STK32C: variants seen among roughly 807,000 people sequenced by gnomAD.
STK32C encodes serine/threonine kinase 32C.
STK32C carries 31 observed loss-of-function variants against 56.5 expected under a neutral mutation model. That is an observed-to-expected ratio of 0.55 (90% CI 0.41 to 0.74). The LOEUF (loss-of-function observed/expected upper bound fraction) is 0.74. Ranked by LOEUF, STK32C falls within the 30% of genes least tolerant of loss-of-function variation. The pLI is 0.00. For synonymous variants in STK32C, 309 were observed against 289.4 expected (o/e 1.07, Z -0.69); for missense variants, 544 against 676.9 (o/e 0.80, Z 2.18).
intron 10 of STK32C, among the ~76,000 whole-genome samples, chr10:132,213,032 G>C (rs1300868651): frequency 2.6e-5 from 4 of 152,232 alleles, no homozygotes; most frequent in African/African-American, 7.2e-5. Context: ...CCAACGTTTT[G>C]TGGGTTTCCC....
intron 1 of STK32C, among the ~76,000 whole-genome samples, chr10:132,281,111 G>A (rs555291316): frequency 2.6e-5 from 4 of 151,528 alleles, no homozygotes; most frequent in South Asian, 4.2e-4. Flanking sequence ...CCATGATCAT[G>A]CCACTGCACT....
intron 2 of STK32C, among the ~76,000 whole-genome samples, chr10:132,240,867 G>A (rs945878301): frequency 1.3e-5 from 2 of 152,124 alleles, no homozygotes; most frequent in Non-Finnish European, 1.5e-5. Flanking sequence ...CCGTGCCACC[G>A]AGAAATCCAT....
At chr10:132,233,585 G>C (rs531831428) in intron 2 of STK32C, among the ~76,000 whole-genome samples, 1 of 152,328 alleles carries the variant, frequency 6.6e-6, no homozygotes, top group Non-Finnish European at 1.5e-5. Flanking sequence ...AGGGGCCTGG[G>C]TGGCGGCTGT....
Position 132,222,754 on chromosome 10 carries a change from C to T in STK32C, c.1138G>A (p.Asp380Asn), listed in dbSNP as rs759946918. 1.6e-5 allele frequency: 25 copies of T among 1,605,762 alleles called. No individual in the cohort carries two copies. Among genetic ancestry groups the T allele is most frequent in the Non-Finnish European group, 2.1e-5 (25 of 1,176,444 alleles). The change falls in exon 10 of 12, where the codon GAC (aspartate) becomes AAC (asparagine). Residue 380 changes from aspartate to asparagine, a missense_variant. This residue lies in a region of STK32C where 277 missense variants were observed against 309.3 expected (regional missense o/e 0.90). Coordinates refer to ENST00000298630, the MANE Select transcript of STK32C (RefSeq NM_173575.4). The stretch of plus-strand genomic sequence containing the variant: ...ATCTCCTCCAGCTCAAAGGTGGGGT[C>T]GCAGTGCAGACGGCCTTTCTACAGA... ...FVPNKGRLHC[D>N]PTFELEEMIL...
Position 132,208,086 on chromosome 10 carries a change from T to C in STK32C, c.1385A>G (p.Glu462Gly), listed in dbSNP as rs759091739. The C allele has an allele frequency of 7.6e-6, 10 of 1,311,182 alleles. No homozygotes were observed. In the East Asian group the frequency reaches 2.2e-4, roughly 29 times the overall value. The allele number at this position is 1,311,182 out of a possible 1,614,324, so 81.2% of individuals were successfully genotyped here. A position where few individuals can be genotyped will look rare whatever the true frequency, so the allele number is the denominator to read the frequency against. ...LPAPESRDAA[E>G]PVEDEAERSA... The stretch of plus-strand genomic sequence containing the variant: ...GCGTTCCGCCTCGTCCTCCACAGGC[T>C]CCGCAGCATCCCTGGACTCAGGGGC... The change falls in exon 12 of 12, where the codon GAG (glutamate) becomes GGG (glycine). Residue 462 changes from glutamate to glycine, a missense_variant. This residue lies in a region of STK32C where 277 missense variants were observed against 309.3 expected (regional missense o/e 0.90). Transcript: ENST00000298630.
At chr10:132,296,791 C>T (rs1396478363) in intron 1 of STK32C, among the ~76,000 whole-genome samples, 4 of 152,230 alleles carry the variant, frequency 2.6e-5, no homozygotes, top group Non-Finnish European at 5.9e-5. Context: ...GGAATGGCAC[C>T]GATCAGCAGG....
chr10:132,314,096 C>T (rs920541438), intron 1 of STK32C, among the ~76,000 whole-genome samples: 6 of 152,242 alleles, frequency 3.9e-5, no homozygotes, highest in South Asian at 2.1e-4. Context: ...GCCAGCACCG[C>T]GATGCACCAC....
At chr10:132,234,930 G>A (rs2063222713) in intron 2 of STK32C, among the ~76,000 whole-genome samples, 1 of 152,276 alleles carries the variant, frequency 6.6e-6, no homozygotes, top group Non-Finnish European at 1.5e-5. Flanking sequence ...TGGCTGTGAA[G>A]GGACCTAGGG....
chr10:132,230,620 G>A (rs889425443), intron 2 of STK32C, among the ~76,000 whole-genome samples: 2 of 149,922 alleles, frequency 1.3e-5, no homozygotes, highest in Middle Eastern at 3.5e-3. Flanking sequence ...TGCCCCTCAG[G>A]AGCCTGGCTT....
intron 1 of STK32C, among the ~76,000 whole-genome samples, chr10:132,268,539 T>TTGTGTGTG (rs56672946): frequency 1.1e-4 from 12 of 111,502 alleles, no homozygotes; most frequent in South Asian, 6.2e-4. Context: ...ATGCGTCACA[T>TTGTGTGTG]TGTGTGTGTG....
At chr10:132,274,155 C>G (rs541654588) in intron 1 of STK32C, among the ~76,000 whole-genome samples, 56 of 152,302 alleles carry the variant, frequency 3.7e-4, no homozygotes, top group Admixed American at 3.3e-3. Context: ...TTGCTCAGGA[C>G]GGGACCAGAC....
At chr10:132,252,142 T>C (rs899588096) in intron 1 of STK32C, among the ~76,000 whole-genome samples, 3 of 152,262 alleles carry the variant, frequency 2.0e-5, no homozygotes, top group African/African-American at 7.2e-5. Context: ...GCTAGGGACA[T>C]GGCGGCCTGC....
Position 132,326,175 on chromosome 10 carries a change from G to A in STK32C, c.302-1802C>T, listed in dbSNP as rs529750553. 3.9e-4 allele frequency among the ~76,000 whole-genome samples: 60 copies of A among 152,228 alleles called. No homozygotes were observed. The South Asian group carries it at 9.9e-3, about 25-fold the overall frequency. ...AGATTCTTCACAGATACAAATCTCCGCCCCACAAAAGACAGCTTTGCAGGG... is the reference window on the plus strand; with the variant it reads ...AGATTCTTCACAGATACAAATCTCCACCCCACAAAAGACAGCTTTGCAGGG... On this transcript the variant is annotated intron_variant, in intron 1 of 1. Transcript: ENST00000368619.
chr10:132,314,084 C>T (rs565181853), intron 1 of STK32C, among the ~76,000 whole-genome samples: 60 of 152,204 alleles, frequency 3.9e-4, no homozygotes, highest in Non-Finnish European at 4.9e-4. Flanking sequence ...CATAAGCCCT[C>T]GGCCAGCACC....
chr10:132,301,487 T>C (rs888525056), intron 1 of STK32C, among the ~76,000 whole-genome samples: 1 of 152,048 alleles, frequency 6.6e-6, no homozygotes, highest in African/African-American at 2.4e-5. Flanking sequence ...GGAGCGCCCG[T>C]TAGGTGTGGG....
Position 132,235,197 on chromosome 10 carries a change from G to A in STK32C, c.319-7069C>T, listed in dbSNP as rs368402034. Among the ~76,000 whole-genome samples the A allele has an allele frequency of 3.3e-4, 51 of 152,270 alleles. 1 individual carries two copies. Among genetic ancestry groups the A allele is most frequent in the African/African-American group, 1.2e-3 (50 of 41,532 alleles). On this transcript the variant is annotated intron_variant, in intron 2 of 11. Transcript: ENST00000298630. ...CTTGATGGCAGAAGCAGATTAAACA[G>A]ATATGTTAAAAGAAATCAGGCCAGG...
chr10:132,282,177 C>T (rs1347133921), intron 1 of STK32C, among the ~76,000 whole-genome samples: 1 of 152,122 alleles, frequency 6.6e-6, no homozygotes, highest in Non-Finnish European at 1.5e-5. Flanking sequence ...GCTGAAAATG[C>T]CCAGTGCAGG....
chr10:132,266,418 C>G (rs997715249), intron 1 of STK32C, among the ~76,000 whole-genome samples: 2 of 152,182 alleles, frequency 1.3e-5, no homozygotes, highest in Admixed American at 1.3e-4. Flanking sequence ...GTGTGCCCAT[C>G]TGTCAAAACA....
At chr10:132,318,303 T>C (rs961745832) in intron 1 of STK32C, among the ~76,000 whole-genome samples, 2 of 144,586 alleles carry the variant, frequency 1.4e-5, no homozygotes, top group African/African-American at 5.1e-5. Context: ...AAGAAAACAA[T>C]CTAATAAAAA....
Sources: gnomAD v4.1 joint callset for allele counts (sites outside exome capture counted in the v4.1 genomes callset) on GRCh38, gnomAD v4.1.1 for gene constraint, gnomAD v4.1.1 regional missense constraint, MANE v1.5 for transcripts, NCBI Gene and HGNC (gene_info 2026-07-23, HGNC 2026-07-21) for gene names.